The following ENGASE variants were observed in gnomAD, a reference collection of about 807,000 sequenced individuals.
ENGASE encodes endo-beta-N-acetylglucosaminidase.
A neutral mutation model predicts 78.5 loss-of-function variants in ENGASE; 69 were observed. That is an observed-to-expected ratio of 0.88 (90% CI 0.72 to 1.07). ENGASE has a LOEUF of 1.07. Ranked by LOEUF, ENGASE falls within the 50% of genes least tolerant of loss-of-function variation. The probability of loss-of-function intolerance (pLI) is 0.00; values close to 1 mark genes in which losing one functional copy is unlikely to be tolerated. For synonymous variants in ENGASE, 408 were observed against 408.9 expected (o/e 1.00, Z 0.03); for missense variants, 943 against 988.4 (o/e 0.95, Z 0.62).
chr17:79,082,577 C>A, intron 7 of ENGASE: 1 of 1,242,766 alleles, frequency 8.0e-7, no homozygotes, highest in Non-Finnish European at 1.0e-6. Flanking sequence ...GCGTGGGATG[C>A]GCAGGGCTCT....
At position 79,085,636 on chromosome 17, in the gene ENGASE, C is replaced by T. The variant is rs367560966; in HGVS notation, c.1717C>T (p.Leu573=). Residue 573 remains leucine (L), a synonymous_variant, in exon 13 of 14, where the codon CTG becomes TTG. Transcript: ENST00000579016. ...GWVQHCYEVS[L]RGCLLLDLLV... is the part of the protein sequence containing the mutation. ...GCCCCGTAGCTGCTACGAGGTGAGC[C>T]TGCGTGGGTGCCTGCTGCTAGACCT... 1.2e-6 allele frequency: 2 copies of T among 1,613,762 alleles called. No individual in the cohort carries two copies. The highest frequency in any genetic ancestry group is 1.6e-4 in the Middle Eastern group (1 of 6,084).
rs879366405 is a variant in ENGASE at position 79,083,932 on chromosome 17, G to A, written c.1423G>A (p.Val475Ile). The change falls in exon 10 of 14, where the codon GTT becomes ATT. Residue 475 changes from valine (V) to isoleucine (I), a missense_variant. Coordinates refer to ENST00000579016, the MANE Select transcript of ENGASE (RefSeq NM_001042573.3). The surrounding 1 kb of genome is among the most constrained non-coding windows in gnomAD (Gnocchi z 4.9). Reference sequence around the variant, plus strand: ...CGTCCGGGGTGTGATCCCACCGGAGGTTGGAAATGTGGCTGTGAGGTGGGT... The same window carrying A: ...CGTCCGGGGTGTGATCCCACCGGAGATTGGAAATGTGGCTGTGAGGTGGGT... Reference protein sequence around the residue: ...LLVRGVIPPEVGNVAVRLFSL... With the variant: ...LLVRGVIPPEIGNVAVRLFSL... The A allele has an allele frequency of 6.8e-6, 11 of 1,610,272 alleles. No homozygotes were observed. Among genetic ancestry groups the A allele is most frequent in the African/African-American group, 2.7e-5 (2 of 74,814 alleles).
intron 3 of ENGASE, 146 bp downstream of exon 3, chr17:79,078,010 C>A: frequency 3.8e-6 from 3 of 797,950 alleles, no homozygotes; most frequent in Non-Finnish European, 5.8e-6. Context: ...GCACTAACTG[C>A]GAGAAGAAGG....
rs1476811396 is a variant in ENGASE, at chr17:79,080,281, C to G, written c.640C>G (p.Gln214Glu). 1.9e-6 allele frequency: 3 copies of G among 1,613,998 alleles called. No homozygotes were observed. Among genetic ancestry groups the G allele is most frequent in the South Asian group, 2.2e-5 (2 of 91,052 alleles). The change falls in exon 5 of 14, where the codon CAG becomes GAG. Residue 214 changes from glutamine (Q) to glutamate (E), a missense_variant. By Grantham distance (29) the Gln-to-Glu change is conservative. Coordinates refer to ENST00000579016, the MANE Select transcript of ENGASE (RefSeq NM_001042573.3). ...AFLAGDERSY[Q>E]AVADRLVQIT... ...CCTGGCCGGGGATGAGCGCTCGTAC[C>G]AGGCAGTGGCTGACCGGCTGGTCCA...
rs369871716 is a variant in ENGASE, at chr17:79,079,475, G to A, written c.417-14G>A. On this transcript the variant is annotated splice_polypyrimidine_tract_variant and intron_variant, in intron 3 of 13. Transcript: ENST00000579016. The stretch of plus-strand genomic sequence containing the variant: ...GAGCTGCCGTGGCCAGCCCTGTTCT[G>A]TTTCTTTCCCCAGGTTCATTCAGGG... 6.2e-6 allele frequency: 10 copies of A among 1,610,666 alleles called. No homozygotes were observed. Among genetic ancestry groups the A allele is most frequent in the East Asian group, 2.2e-5 (1 of 44,762 alleles).
rs758576485 is a variant in ENGASE at position 79,086,305 on chromosome 17, G to C, written c.2188G>C (p.Ala730Pro). Residue 730 changes from alanine to proline, a missense_variant, in exon 14 of 14, where the codon GCC (alanine) becomes CCC (proline). Transcript: ENST00000579016. ...CAAGGAAGGGTTCCGGGTACCTCAG[G>C]CCGAGTGGGGCAGGGCAGTTCTGCT... ...VPKEGFRVPQ[A>P]EWGRAVLLYS... The C allele has an allele frequency of 6.2e-7, 1 of 1,613,498 alleles. No individual in the cohort carries two copies. Among genetic ancestry groups the C allele is most frequent in the Non-Finnish European group, 8.5e-7 (1 of 1,180,028 alleles).
In ENGASE at chr17:79,077,333, A is replaced by C. The variant is rs79656159; in HGVS notation, c.147-97A>C. The C allele has an allele frequency of 1.1e-4, 110 of 1,019,226 alleles. 1 individual carries two copies. The highest frequency in any genetic ancestry group is 1.5e-4 in the Non-Finnish European group (103 of 698,810). The allele number at this position is 1,019,226 out of a possible 1,614,324, so 63.1% of individuals were successfully genotyped here. A position where few individuals can be genotyped will look rare whatever the true frequency, so the allele number is the denominator to read the frequency against. ...TATTAAACAACATAAGGCAGAGAATATCTCTCTGTGTTTAGATGAAACTGG... is the reference window on the plus strand; with the variant it reads ...TATTAAACAACATAAGGCAGAGAATCTCTCTCTGTGTTTAGATGAAACTGG... On this transcript the variant is annotated intron_variant, in intron 1 of 13. Coordinates refer to ENST00000579016, the MANE Select transcript of ENGASE (RefSeq NM_001042573.3).
rs750313342 is a variant in ENGASE at position 79,083,098 on chromosome 17, A to G, written c.1117A>G (p.Lys373Glu). 4 of 1,613,590 alleles carry G rather than the reference A, an allele frequency of 2.5e-6. No homozygotes were observed. The highest frequency in any genetic ancestry group is 3.3e-5 in the Admixed American group (2 of 59,984). The change falls in exon 8 of 14, where the codon AAG becomes GAG. Residue 373 changes from lysine (K) to glutamate (E), a missense_variant. Physicochemically the swap from Lys to Glu is moderately conservative, Grantham distance 56. Transcript: ENST00000579016. This position sits in a 1 kb window ranked among gnomAD's most constrained non-coding sequence, Gnocchi z 4.9. Reference protein sequence around the residue: ...PGWVYECLEKKDFFQNQDKFW... With the variant: ...PGWVYECLEKEDFFQNQDKFW... The stretch of plus-strand genomic sequence containing the variant: ...CTGGGTGTATGAGTGTCTGGAGAAG[A>G]AGGATTTCTTCCAGAACCAGGACAA...
intron 7 of ENGASE, chr17:79,082,785 C>G: frequency 6.8e-7 from 1 of 1,477,206 alleles, no homozygotes; most frequent in Non-Finnish European, 9.0e-7. Context: ...CCAGCCCCTG[C>G]CCCCCTGCCC....
At chr17:79,078,721 C>T (rs1407258767) in intron 3 of ENGASE, among the ~76,000 whole-genome samples, 1 of 152,238 alleles carries the variant, frequency 6.6e-6, no homozygotes, top group East Asian at 1.9e-4. Flanking sequence ...AGGCTTGAGT[C>T]AGAGCCAACC....
Position 79,086,194 on chromosome 17 carries a change from ACCCAGT to A in ENGASE, c.2078_2083del (p.Thr693_Tyr695delinsAsn). 6.2e-7 allele frequency: 1 copy of A among 1,613,618 alleles called. No homozygotes were observed. The highest frequency in any genetic ancestry group is 8.5e-7 in the Non-Finnish European group (1 of 1,180,028). The stretch of plus-strand genomic sequence containing the variant: ...CATGTTCCTGGGGTTGGCTTTTGCC[ACCCAGT>A]ACCGGATAGTGGACCTGCTGGTGGA... On this transcript the variant is annotated inframe_deletion, in exon 14 of 14. Transcript: ENST00000579016.
intron 13 of ENGASE, 86 bp from the exon 14 acceptor site, chr17:79,085,847 G>A: frequency 6.3e-7 from 1 of 1,585,632 alleles, no homozygotes; most frequent in South Asian, 1.1e-5. Context: ...CTGGGGTGGA[G>A]GAGTCAGGGA....
At chr17:79,075,207 G>A (rs949154887) in intron 1 of ENGASE, 117 bp downstream of exon 1, 6 of 1,128,618 alleles carry the variant, frequency 5.3e-6, no homozygotes, top group East Asian at 7.5e-5. Flanking sequence ...GCCTGTGTCC[G>A]CTCCGTGCAC....
chr17:79,080,479 T>A (rs2073099787), intron 5 of ENGASE, 115 bp downstream of exon 5: 1 of 1,235,708 alleles, frequency 8.1e-7, no homozygotes, highest in Non-Finnish European at 1.1e-6. Context: ...GTTGCAGCAG[T>A]AAGAGCCACT....
At chr17:79,077,082 G>A (rs1397089254) in intron 1 of ENGASE, among the ~76,000 whole-genome samples, 7 of 152,212 alleles carry the variant, frequency 4.6e-5, no homozygotes, top group Non-Finnish European at 8.8e-5. Flanking sequence ...TGTTGGCCAG[G>A]CTGGTCTTTA....
intron 1 of ENGASE, among the ~76,000 whole-genome samples, chr17:79,076,224 T>C (rs73408689): frequency 0.03 from 4,593 of 152,294 alleles, 204 homozygotes; most frequent in African/African-American, 0.1. Context: ...GTTGGTGCCA[T>C]GGCCTCTAAA....
Position 79,077,655 on chromosome 17 carries a change from C to A in ENGASE, c.215-8C>A. On this transcript the variant is annotated splice_region_variant and splice_polypyrimidine_tract_variant and intron_variant, in intron 2 of 13. Coordinates refer to ENST00000579016, the MANE Select transcript of ENGASE (RefSeq NM_001042573.3). ...ATTAATTGCTCAATGTTTCTGTCCTCGGACCAGTTAGATATTATGACAAGG... is the reference window on the plus strand; with the variant it reads ...ATTAATTGCTCAATGTTTCTGTCCTAGGACCAGTTAGATATTATGACAAGG... 6.2e-7 allele frequency: 1 copy of A among 1,613,874 alleles called. No individual in the cohort carries two copies. Among genetic ancestry groups the A allele is most frequent in the Admixed American group, 1.7e-5 (1 of 60,018 alleles).
rs749304585 is a variant in ENGASE, at chr17:79,077,461, C to T, written c.178C>T (p.Arg60Ter). The change falls in exon 2 of 14, where the codon CGA (arginine) becomes TGA (stop). Residue 60 changes from arginine (R) to a stop codon, truncating the protein, a stop_gained. Transcript: ENST00000579016. LOFTEE classifies it high-confidence loss of function. Reference protein sequence around the residue: ...IKDEEEETVFREVVSFSPDPL... With the variant: ...IKDEEEETVF ...AGATGAAGAAGAAGAGACAGTCTTT[C>T]GAGAGGTGGTCAGTTTTTCCCCGGA... The T allele has an allele frequency of 1.3e-5, 21 of 1,577,880 alleles. No homozygotes were observed. The highest frequency in any genetic ancestry group is 1.8e-4 in the Middle Eastern group (1 of 5,520).
At chr17:79,080,688 G>A (rs2073105366) in intron 5 of ENGASE, among the ~76,000 whole-genome samples, 1 of 152,154 alleles carries the variant, frequency 6.6e-6, no homozygotes, top group Admixed American at 6.5e-5. Context: ...CCCTTTCGGT[G>A]CACTCTGTCT....
Sources: allele counts gnomAD v4.1 joint callset (sites outside exome capture counted in the v4.1 genomes callset), GRCh38; gene constraint gnomAD v4.1.1; non-coding constraint Gnocchi (gnomAD v3.1); transcripts MANE v1.5; gene names NCBI Gene and HGNC (gene_info 2026-07-23, HGNC 2026-07-21).